ZCCHC8: variants seen among roughly 807,000 people sequenced by gnomAD.
ZCCHC8 encodes the protein zinc finger CCHC domain-containing protein 8.
A neutral mutation model predicts 70.6 loss-of-function variants in ZCCHC8; 27 were observed. The ratio of observed to expected loss-of-function variants is 0.38; its 90% CI spans 0.28 to 0.53. The LOEUF is 0.53. Among genes scored for constraint, ZCCHC8 ranks in the 20% least tolerant of loss-of-function variants. ZCCHC8 has a pLI of 0.81. For synonymous variants in ZCCHC8, 293 were observed against 317.4 expected, an observed-to-expected ratio of 0.92 and a Z score of 0.82; for missense variants, 737 against 876.9, an observed-to-expected ratio of 0.84 and a Z score of 2.01.
At chr12:122,475,179 C>A (rs1038547503) in intron 13 of ZCCHC8, among the ~76,000 whole-genome samples, 5 of 152,006 alleles carry the variant, frequency 3.3e-5, no homozygotes, top group Non-Finnish European at 5.9e-5. Flanking sequence ...TCCCAAGTAG[C>A]TGGGATTACA....
intron 13 of ZCCHC8, among the ~76,000 whole-genome samples, chr12:122,477,201 C>A (rs1171363340): frequency 6.7e-6 from 1 of 148,286 alleles, no homozygotes; most frequent in Non-Finnish European, 1.5e-5. Flanking sequence ...TTCGCCAAGG[C>A]TGGAGTGCAG....
chr12:122,489,119 C>T (rs4758658), intron 5 of ZCCHC8, among the ~76,000 whole-genome samples: 65,128 of 152,080 alleles, frequency 0.43, 16,959 homozygotes, highest in Non-Finnish European at 0.56. Context: ...CTTTCTATAT[C>T]TTCATCCAAC....
At chr12:122,478,420 T>G (rs1162584837) in intron 11 of ZCCHC8, 128 bp from the exon 12 acceptor site, 1 of 670,190 alleles carries the variant, frequency 1.5e-6, no homozygotes, top group African/African-American at 1.8e-5. Context: ...TACTTTTCCT[T>G]TATTGGAAAT....
intron 5 of ZCCHC8, among the ~76,000 whole-genome samples, chr12:122,488,572 T>G (rs567668582): frequency 6.6e-6 from 1 of 152,084 alleles, no homozygotes; most frequent in East Asian, 1.9e-4. Flanking sequence ...TACATTACCT[T>G]TTAAAATATT....
At position 122,478,096 on chromosome 12, in the gene ZCCHC8, T is replaced by A; in HGVS notation, c.1227+110A>T. On this transcript the variant is annotated intron_variant, in intron 12 of 13. Transcript: ENST00000633063. The stretch of plus-strand genomic sequence containing the variant: ...TGGTGAATTTTGCCACTGTTTTCCT[T>A]TTGGTTTGTCAAGATAACAAAGCAA... 4 of 1,263,826 alleles carry A rather than the reference T, an allele frequency of 3.2e-6. No homozygotes were observed. The South Asian group carries it at 5.1e-5, about 16-fold the overall frequency. The allele number at this position is 1,263,826 out of a possible 1,614,324, so 78.3% of individuals were successfully genotyped here.
chr12:122,492,776 T>A lies in ZCCHC8; in HGVS notation c.256A>T (p.Asn86Tyr). Residue 86 changes from asparagine to tyrosine, a missense_variant, in exon 3 of 14, where the codon AAC (asparagine) becomes TAC (tyrosine). Asn to Tyr is a moderately radical substitution (Grantham distance 143). Coordinates refer to ENST00000633063, the MANE Select transcript of ZCCHC8 (RefSeq NM_017612.5). ...ATAGGTCCATCTAACTTAGTATCGT[T>A]CACCAATATTCCACTAAAACAGAAG... The part of the protein sequence containing the change: ...ILTRPSGILV[N>Y]DTKLDGPILQ... The A allele has an allele frequency of 6.5e-7, 1 of 1,542,910 alleles. No individual in the cohort carries two copies. Among genetic ancestry groups the A allele is most frequent in the Non-Finnish European group, 8.8e-7 (1 of 1,137,116 alleles).
intron 5 of ZCCHC8, 36 bp downstream of exon 5, chr12:122,489,350 A>G: frequency 3.1e-6 from 5 of 1,600,176 alleles, no homozygotes; most frequent in Non-Finnish European, 4.3e-6. Flanking sequence ...GGAAACACCT[A>G]TTGGCTGAAT....
chr12:122,485,828 G>T (rs907795218), intron 5 of ZCCHC8, among the ~76,000 whole-genome samples: 2 of 151,968 alleles, frequency 1.3e-5, no homozygotes, highest in South Asian at 4.1e-4. Flanking sequence ...CCACCACCAC[G>T]CCTGGCTAAT....
At chr12:122,497,912 G>C (rs879430879) in intron 2 of ZCCHC8, among the ~76,000 whole-genome samples, 5 of 152,018 alleles carry the variant, frequency 3.3e-5, no homozygotes, top group Non-Finnish European at 7.4e-5. Flanking sequence ...GGGAGGCTGA[G>C]GCGGGAGGAT....
intron 13 of ZCCHC8, among the ~76,000 whole-genome samples, chr12:122,477,223 C>T (rs71444557): frequency 3.3e-4 from 48 of 146,776 alleles, no homozygotes; most frequent in Non-Finnish European, 5.4e-4. Flanking sequence ...GGCGTGATCT[C>T]GGCTCACTGC....
intron 11 of ZCCHC8, 125 bp from the exon 12 acceptor site, chr12:122,478,417 C>G (rs1957463730): frequency 1.5e-6 from 1 of 685,354 alleles, no homozygotes; most frequent in African/African-American, 1.8e-5. Context: ...TGTTACTTTT[C>G]CTTTATTGGA....
intron 3 of ZCCHC8, chr12:122,492,360 C>T (rs1593330035): frequency 5.4e-6 from 1 of 185,860 alleles, no homozygotes; most frequent in East Asian, 1.6e-4. Context: ...GTTATTGTTA[C>T]AGTGATAGTG....
Position 122,473,467 on chromosome 12 carries a change from T to C in ZCCHC8, c.*30A>G. 1 of 1,598,464 alleles carries C rather than the reference T, an allele frequency of 6.3e-7. No homozygotes were observed. The highest frequency in any genetic ancestry group is 1.1e-5 in the South Asian group (1 of 88,898). On this transcript the variant is annotated 3_prime_UTR_variant, in exon 14 of 14. Transcript: ENST00000633063. Reference sequence around the variant, plus strand: ...AGTACTAATTAACGGAACAAAGTTATTAAATAGCTCTCAGTGCTAAGTCAA... The same window carrying C: ...AGTACTAATTAACGGAACAAAGTTACTAAATAGCTCTCAGTGCTAAGTCAA...
In ZCCHC8 at chr12:122,478,300, T is replaced by C. The variant is rs1259417081; in HGVS notation, c.1141-8A>G. ...ACCAAAGATCCTCCATTCCTAATGA[T>C]GAAAAGAGAAGGAAAAAAAAAACAC... On this transcript the variant is annotated splice_polypyrimidine_tract_variant and splice_region_variant and intron_variant, in intron 11 of 13. Coordinates refer to ENST00000633063, the MANE Select transcript of ZCCHC8 (RefSeq NM_017612.5). The C allele has an allele frequency of 6.4e-7, 1 of 1,560,056 alleles. No individual in the cohort carries two copies. Among genetic ancestry groups the C allele is most frequent in the Non-Finnish European group, 8.7e-7 (1 of 1,154,080 alleles).
At chr12:122,484,584 G>A (rs1957599832) in intron 5 of ZCCHC8, among the ~76,000 whole-genome samples, 1 of 147,934 alleles carries the variant, frequency 6.8e-6, no homozygotes, top group Non-Finnish European at 1.5e-5. Flanking sequence ...TTTGAGATGG[G>A]GTCTTGCTAT....
At chr12:122,497,430 T>G (rs1000520311) in intron 2 of ZCCHC8, among the ~76,000 whole-genome samples, 1 of 151,900 alleles carries the variant, frequency 6.6e-6, no homozygotes, top group African/African-American at 2.4e-5. Context: ...TAATCCCAGC[T>G]ATTCGGGAGG....
At chr12:122,478,323 C>T in intron 11 of ZCCHC8, 31 bp from the exon 12 acceptor site, 1 of 1,401,818 alleles carries the variant, frequency 7.1e-7, no homozygotes, top group Non-Finnish European at 9.8e-7. Context: ...AAAAAAAAAA[C>T]ACATGTATTT....
chr12:122,480,418 G>T, intron 10 of ZCCHC8, 107 bp from the exon 11 acceptor site: 16 of 835,638 alleles, frequency 1.9e-5, no homozygotes, highest in East Asian at 3.7e-5. Flanking sequence ...AACAGAATTA[G>T]TTTTGAAATG....
chr12:122,500,500 G>A lies in ZCCHC8; in HGVS notation c.199+142C>T, dbSNP rs1957906756. On this transcript the variant is annotated intron_variant, in intron 1 of 13. Transcript: ENST00000633063. This position sits in a 1 kb window ranked among gnomAD's most constrained non-coding sequence, Gnocchi z 4.8. ...CCCTAGACTCTCGGTCCGCCGGCGGGTGACAGAAAGCACTTGGAATTCTGG... is the reference window on the plus strand; with the variant it reads ...CCCTAGACTCTCGGTCCGCCGGCGGATGACAGAAAGCACTTGGAATTCTGG... 1 of 1,109,140 alleles carries A rather than the reference G, an allele frequency of 9.0e-7. No homozygotes were observed. The highest frequency in any genetic ancestry group is 1.2e-6 in the Non-Finnish European group (1 of 803,332). The allele number at this position is 1,109,140 out of a possible 1,614,324, so 68.7% of individuals were successfully genotyped here.
Sources: gnomAD v4.1 joint callset for allele counts (sites outside exome capture counted in the v4.1 genomes callset) on GRCh38, gnomAD v4.1.1 for gene constraint, Gnocchi (gnomAD v3.1) non-coding constraint, MANE v1.5 for transcripts, NCBI Gene and HGNC (gene_info 2026-07-23, HGNC 2026-07-21) for gene names.